The following FHIT variants were observed in gnomAD, a reference collection of about 807,000 sequenced individuals.
FHIT encodes bis(5'-adenosyl)-triphosphatase.
FHIT carries 19 observed loss-of-function variants against 17.9 expected under a neutral mutation model. The ratio of observed to expected loss-of-function variants is 1.06; its 90% CI spans 0.74 to 1.56. The LOEUF (loss-of-function observed/expected upper bound fraction) is 1.56. FHIT is among the 40% of genes most tolerant of loss of function. The probability of loss-of-function intolerance (pLI) is 0.00; values close to 1 mark genes in which losing one functional copy is unlikely to be tolerated. For synonymous variants in FHIT, 81 were observed against 69.7 expected (o/e 1.16, Z -0.81); for missense variants, 248 against 189.2 (o/e 1.31, Z -1.82).
chr3:60,961,308 C>A (rs1453710801), intron 3 of FHIT, among the ~76,000 whole-genome samples: 1 of 151,800 alleles, frequency 6.6e-6, no homozygotes, highest in East Asian at 1.9e-4. Context: ...AATTTAAGTT[C>A]TTTGTAGATT....
At chr3:60,275,944 A>C (rs1707107744) in intron 5 of FHIT, among the ~76,000 whole-genome samples, 3 of 151,976 alleles carry the variant, frequency 2.0e-5, no homozygotes. Flanking sequence ...CTTCAAGCTG[A>C]CCAATAGGAT....
chr3:60,651,550 T>A (rs1379472408), intron 4 of FHIT, among the ~76,000 whole-genome samples: 1 of 152,046 alleles, frequency 6.6e-6, no homozygotes, highest in Non-Finnish European at 1.5e-5. Context: ...TCTTTTTTTT[T>A]TTCAATAAAT....
chr3:60,845,336 C>A (rs1465746423), intron 3 of FHIT, among the ~76,000 whole-genome samples: 5 of 150,928 alleles, frequency 3.3e-5, no homozygotes, highest in African/African-American at 1.2e-4. Context: ...AACAAACAAA[C>A]AAAAAAAAAA....
At chr3:60,657,151 A>C (rs1254981822) in intron 4 of FHIT, among the ~76,000 whole-genome samples, 1 of 152,184 alleles carries the variant, frequency 6.6e-6, no homozygotes, top group Non-Finnish European at 1.5e-5. Flanking sequence ...TTTATCCTTA[A>C]GTTCTCTTGG....
At chr3:60,111,622 G>C (rs898195265) in intron 5 of FHIT, among the ~76,000 whole-genome samples, 1 of 152,174 alleles carries the variant, frequency 6.6e-6, no homozygotes, top group Non-Finnish European at 1.5e-5. Flanking sequence ...ATAATTAGCT[G>C]TCCTTTGCTA....
intron 5 of FHIT, among the ~76,000 whole-genome samples, chr3:60,095,143 A>G (rs1165988041): frequency 6.6e-6 from 1 of 152,186 alleles, no homozygotes; most frequent in Non-Finnish European, 1.5e-5. Context: ...ACTTATCTCA[A>G]AAAGGTCTGA....
At chr3:59,815,582 C>A (rs532091834) in intron 8 of FHIT, among the ~76,000 whole-genome samples, 3 of 152,220 alleles carry the variant, frequency 2.0e-5, no homozygotes, top group South Asian at 4.1e-4. Flanking sequence ...TAATGGCATT[C>A]GCAGCAACCT....
intron 2 of FHIT, among the ~76,000 whole-genome samples, chr3:61,136,274 G>C (rs1436218598): frequency 3.0e-5 from 4 of 134,080 alleles, no homozygotes; most frequent in African/African-American, 1.1e-4. Flanking sequence ...AAGCTGGTTT[G>C]TAATTAGTTT....
chr3:60,221,275 T>C (rs1703946411), intron 5 of FHIT, among the ~76,000 whole-genome samples: 1 of 152,120 alleles, frequency 6.6e-6, no homozygotes, highest in Non-Finnish European at 1.5e-5. Flanking sequence ...AGAACGTTTT[T>C]TTCCTTTTGT....
chr3:60,462,561 G>A (rs569675375), intron 5 of FHIT, among the ~76,000 whole-genome samples: 54 of 152,282 alleles, frequency 3.5e-4, no homozygotes, highest in Admixed American at 2.2e-3. Context: ...AGCTGAGAGC[G>A]GAAAGCAGGG....
intron 3 of FHIT, among the ~76,000 whole-genome samples, chr3:60,971,395 C>A (rs1187142198): frequency 6.6e-6 from 1 of 152,092 alleles, no homozygotes; most frequent in Admixed American, 6.6e-5. Flanking sequence ...ACTCAAATTT[C>A]CAAATGTCTC....
At chr3:60,643,204 T>C (rs1456096564) in intron 4 of FHIT, among the ~76,000 whole-genome samples, 1 of 152,018 alleles carries the variant, frequency 6.6e-6, no homozygotes, top group Non-Finnish European at 1.5e-5. Context: ...TCTACGTTTT[T>C]CCCTTTCAAT....
intron 2 of FHIT, among the ~76,000 whole-genome samples, chr3:61,177,636 G>C (rs764192694): frequency 5.9e-5 from 9 of 152,110 alleles, no homozygotes; most frequent in Non-Finnish European, 1.2e-4. Context: ...GAGAAGAATG[G>C]TGTATTATTA....
At chr3:60,842,687 G>T (rs1257982142) in intron 3 of FHIT, among the ~76,000 whole-genome samples, 1 of 135,762 alleles carries the variant, frequency 7.4e-6, no homozygotes, top group Admixed American at 7.8e-5. Context: ...AAAGGAGACA[G>T]GCCTTTAAAA....
intron 5 of FHIT, among the ~76,000 whole-genome samples, chr3:60,225,071 T>C (rs1704132319): frequency 6.6e-6 from 1 of 152,092 alleles, no homozygotes; most frequent in South Asian, 2.1e-4. Context: ...CTAAGAAGTC[T>C]TCCCCCCAAG....
Position 60,754,919 on chromosome 3 carries a change from AT to A in FHIT, c.-18+66999del, listed in dbSNP as rs1476649067. Among the ~76,000 whole-genome samples the A allele has an allele frequency of 3.3e-5, 5 of 152,292 alleles. No homozygotes were observed. The East Asian group carries it at 9.7e-4, about 29-fold the overall frequency. ...TTTTTCCTTCCTCTCAAGAAAGTAT[AT>A]TAGATTGCAAGGTTGCAAGAGAGTA... On this transcript the variant is annotated intron_variant, in intron 4 of 9. Transcript: ENST00000492590.
chr3:60,025,017 G>A (rs1402949743), intron 5 of FHIT, among the ~76,000 whole-genome samples: 63 of 152,272 alleles, frequency 4.1e-4, no homozygotes. Flanking sequence ...GTATGTTTGA[G>A]GTAGGAGCAA....
intron 5 of FHIT, among the ~76,000 whole-genome samples, chr3:60,514,474 G>T (rs981177513): frequency 1.3e-5 from 2 of 152,164 alleles, no homozygotes; most frequent in Non-Finnish European, 2.9e-5. Flanking sequence ...GGGAGCTCCC[G>T]TTTCACTGGG....
intron 5 of FHIT, among the ~76,000 whole-genome samples, chr3:60,400,182 G>C (rs1423012434): frequency 6.6e-6 from 1 of 152,156 alleles, no homozygotes; most frequent in Non-Finnish European, 1.5e-5. Context: ...TGTGACATGA[G>C]TTGGAATCTG....
Sources: allele counts gnomAD v4.1 joint callset (sites outside exome capture counted in the v4.1 genomes callset), GRCh38; gene constraint gnomAD v4.1.1; transcripts MANE v1.5; gene names NCBI Gene and HGNC (gene_info 2026-07-23, HGNC 2026-07-21).